Variants in NPLOC4 observed in about 807,000 individuals in gnomAD.
The protein encoded by NPLOC4 is nuclear protein localization protein 4 homolog.
In NPLOC4, 18 loss-of-function variants were observed where a neutral mutation model predicts 80.6. The observed-to-expected ratio is 0.22, with a 90% CI of 0.15 to 0.33. The LOEUF (loss-of-function observed/expected upper bound fraction) is 0.33. NPLOC4 is among the 10% of genes least tolerant of loss of function. The pLI is 1.00. For missense variants in NPLOC4, 540 were observed against 786.1 expected (o/e 0.69, Z 3.74); for synonymous variants, 313 against 301.5 (o/e 1.04, Z -0.39).
chr17:81,627,273 T>C (rs1033171809), intron 2 of NPLOC4, among the ~76,000 whole-genome samples: 1 of 151,362 alleles, frequency 6.6e-6, no homozygotes, highest in African/African-American at 2.4e-5. Flanking sequence ...GTGCCTGTAG[T>C]CCCAGCTACT....
intron 1 of NPLOC4, among the ~76,000 whole-genome samples, chr17:81,634,818 C>T (rs985123503): frequency 4.0e-5 from 6 of 151,750 alleles, no homozygotes; most frequent in African/African-American, 1.5e-4. Context: ...CTCCTGACCT[C>T]GTGATCCGCC....
rs898104527 is a variant in NPLOC4 at position 81,559,010 on chromosome 17, C to T, written c.*249G>A. 10 of 492,448 alleles carry T rather than the reference C, an allele frequency of 2.0e-5. No individual in the cohort carries two copies. The highest frequency in any genetic ancestry group is 6.9e-5 in the East Asian group (2 of 29,128). 30.5% of individuals were successfully genotyped at this position (492,448 alleles called of 1,614,324 possible). On this transcript the variant is annotated 3_prime_UTR_variant, in exon 17 of 17. Transcript: ENST00000331134. ...CGGGGGACTTGTCAACAGGATTAGGCGTGAGGAGCCGCTCTGCGTTTCCAG... is the reference window on the plus strand; with the variant it reads ...CGGGGGACTTGTCAACAGGATTAGGTGTGAGGAGCCGCTCTGCGTTTCCAG...
chr17:81,589,805 C>A (rs951377394), intron 11 of NPLOC4, among the ~76,000 whole-genome samples: 2 of 150,474 alleles, frequency 1.3e-5, no homozygotes, highest in Non-Finnish European at 2.9e-5. Flanking sequence ...TGAGACCAGT[C>A]TGGGCAACAT....
rs191437405 is a variant in NPLOC4 at position 81,625,935 on chromosome 17, A to G, written c.97-3657T>C. Among the ~76,000 whole-genome samples, 364 of 151,986 alleles carry G rather than the reference A, an allele frequency of 2.4e-3. 2 individuals are homozygous for G. The highest frequency in any genetic ancestry group is 3.6e-3 in the Non-Finnish European group (244 of 67,958). ...AGGCCGAGTTGGGCAGATCACCTGA[A>G]GTCAGGAGTTTGAGACCAGCCTGGC... On this transcript the variant is annotated intron_variant, in intron 2 of 16. Coordinates refer to ENST00000331134, the MANE Select transcript of NPLOC4 (RefSeq NM_017921.4).
At chr17:81,622,712 G>A (rs1408970429) in intron 2 of NPLOC4, among the ~76,000 whole-genome samples, 5 of 151,832 alleles carry the variant, frequency 3.3e-5, no homozygotes, top group African/African-American at 1.2e-4. Flanking sequence ...CACCACACCC[G>A]GCTGATTTTT....
intron 12 of NPLOC4, among the ~76,000 whole-genome samples, chr17:81,578,724 C>T (rs1464013028): frequency 2.0e-5 from 3 of 152,118 alleles, no homozygotes; most frequent in African/African-American, 7.2e-5. Flanking sequence ...GATGGGGGAA[C>T]CACCCCCATG....
intron 1 of NPLOC4, among the ~76,000 whole-genome samples, chr17:81,632,587 TACAGGTGTGCACCACC>T (rs2035961287): frequency 6.6e-6 from 1 of 152,182 alleles, no homozygotes; most frequent in African/African-American, 2.4e-5. Context: ...GTGCTGGGAT[TACAGGTGTGCACCACC>T]ACACCCGGCC....
At chr17:81,585,386 G>A (rs1021835029) in intron 12 of NPLOC4, among the ~76,000 whole-genome samples, 4 of 151,888 alleles carry the variant, frequency 2.6e-5, no homozygotes, top group African/African-American at 4.8e-5. Flanking sequence ...AATCAAGGCC[G>A]GGTGTGGTGG....
intron 2 of NPLOC4, among the ~76,000 whole-genome samples, chr17:81,629,316 C>G (rs953590615): frequency 1.3e-5 from 2 of 151,720 alleles, no homozygotes; most frequent in Non-Finnish European, 2.9e-5. Context: ...CTCAGCTTCC[C>G]AAGTAGCTGG....
rs532394746 is a variant in NPLOC4, at chr17:81,584,301, G to A, written c.1281+4643C>T. On this transcript the variant is annotated intron_variant, in intron 12 of 16. Transcript: ENST00000331134. The stretch of plus-strand genomic sequence containing the variant: ...TGGGAAGTATTTCTAGCCTATTCTC[G>A]CTAACAGAGGGCAAATAAGCACTCT... Among the ~76,000 whole-genome samples, 15 of 152,190 alleles carry A rather than the reference G, an allele frequency of 9.9e-5. No homozygotes were observed. The South Asian group carries it at 3.1e-3, about 32-fold the overall frequency.
rs1269701766 is a variant in NPLOC4, at chr17:81,572,111, G to A, written c.1282-23C>T. On this transcript the variant is annotated intron_variant, in intron 12 of 16. Coordinates refer to ENST00000331134, the MANE Select transcript of NPLOC4 (RefSeq NM_017921.4). The surrounding 1 kb of genome is among the most constrained non-coding windows in gnomAD (Gnocchi z 4.5). ...GTCCTGCAATAGTCAGAGGGGAACA[G>A]CGGTGAGCAAAGACGATCAGTAGTA... 1.3e-6 allele frequency: 2 copies of A among 1,567,152 alleles called. No homozygotes were observed. Among genetic ancestry groups the A allele is most frequent in the South Asian group, 1.2e-5 (1 of 85,778 alleles).
chr17:81,561,159 A>G (rs1206402355), intron 16 of NPLOC4, among the ~76,000 whole-genome samples: 1 of 152,100 alleles, frequency 6.6e-6, no homozygotes, highest in East Asian at 1.9e-4. Context: ...GGTTTTCACC[A>G]TGTTGGCCTG....
In NPLOC4 at chr17:81,567,359, G is replaced by T. The variant is rs2034039749; in HGVS notation, c.1566+58C>A. ...TGGGAGGAAAGAAAGCAAGACACAG[G>T]CGTCTCTTTGCAGCCAAAGCCCACT... On this transcript the variant is annotated intron_variant, in intron 15 of 16. Transcript: ENST00000331134. The surrounding 1 kb of genome is among the most constrained non-coding windows in gnomAD (Gnocchi z 4.5). The T allele has an allele frequency of 2.0e-6, 2 of 1,000,382 alleles. No individual in the cohort carries two copies. The highest frequency in any genetic ancestry group is 3.1e-6 in the Non-Finnish European group (2 of 636,526). The allele number at this position is 1,000,382 out of a possible 1,614,324, so 62.0% of individuals were successfully genotyped here.
At chr17:81,575,747 T>A (rs886800334) in intron 12 of NPLOC4, among the ~76,000 whole-genome samples, 5 of 152,196 alleles carry the variant, frequency 3.3e-5, no homozygotes, top group African/African-American at 1.2e-4. Context: ...ACCTTGAAGT[T>A]GAGGCTCGGA....
intron 8 of NPLOC4, among the ~76,000 whole-genome samples, chr17:81,602,218 T>TCAAAACAAAA (rs1341868130): frequency 1.3e-5 from 2 of 151,952 alleles, no homozygotes; most frequent in Non-Finnish European, 2.9e-5. Context: ...AGACCTTGTT[T>TCAAAACAAAA]CAAAACAAAA....
chr17:81,631,723 C>T (rs1259768422), intron 1 of NPLOC4, among the ~76,000 whole-genome samples: 1 of 152,090 alleles, frequency 6.6e-6, no homozygotes, highest in East Asian at 1.9e-4. Context: ...CTAGCTTCTC[C>T]TCTCAGCAAA....
chr17:81,615,658 C>T (rs1216581377), intron 3 of NPLOC4, among the ~76,000 whole-genome samples: 3 of 152,188 alleles, frequency 2.0e-5, no homozygotes, highest in Non-Finnish European at 2.9e-5. Context: ...GGGCCTACAG[C>T]GGTTTGCTGG....
intron 13 of NPLOC4, 133 bp downstream of exon 13, chr17:81,571,883 TG>T (rs1046704672): frequency 4.1e-6 from 2 of 489,778 alleles, no homozygotes; most frequent in Non-Finnish European, 3.6e-6. Context: ...GTGCCTGTTC[TG>T]GGGTGGGCAC....
At position 81,558,543 on chromosome 17, in the gene NPLOC4, A is replaced by T. The variant is rs940722837; in HGVS notation, c.*716T>A. 3 of 152,198 alleles carry T rather than the reference A, an allele frequency of 2.0e-5. No individual in the cohort carries two copies. Among genetic ancestry groups the T allele is most frequent in the Non-Finnish European group, 4.4e-5 (3 of 68,046 alleles). 9.4% of individuals were successfully genotyped at this position (152,198 alleles called of 1,614,324 possible). A position where few individuals can be genotyped will look rare whatever the true frequency, so the allele number is the denominator to read the frequency against. On this transcript the variant is annotated 3_prime_UTR_variant, in exon 17 of 17. Transcript: ENST00000331134. Reference sequence around the variant, plus strand: ...TTCACTAAAGGAGGGAAGGATGTGGAAACTAGTCTCTCTCACTCCCCTTTT... The same window carrying T: ...TTCACTAAAGGAGGGAAGGATGTGGTAACTAGTCTCTCTCACTCCCCTTTT...
Sources: allele counts gnomAD v4.1 joint callset (sites outside exome capture counted in the v4.1 genomes callset), GRCh38; gene constraint gnomAD v4.1.1; non-coding constraint Gnocchi (gnomAD v3.1); transcripts MANE v1.5; gene names NCBI Gene and HGNC (gene_info 2026-07-23, HGNC 2026-07-21).